Variants in ASGR2 observed in about 807,000 individuals in gnomAD.
The protein encoded by ASGR2 is C-type lectin domain family 4 member H2.
A neutral mutation model predicts 32.3 loss-of-function variants in ASGR2; 34 were observed. That is an observed-to-expected ratio of 1.05 (90% CI 0.80 to 1.40). The LOEUF (loss-of-function observed/expected upper bound fraction) is 1.40, where lower values mean the gene tolerates loss of function less well. Ranked by LOEUF, ASGR2 falls within the 40% of genes most tolerant of loss-of-function variation. ASGR2 has a pLI of 0.00. For synonymous variants in ASGR2, 143 were observed against 150.0 expected (o/e 0.95, Z 0.34); for missense variants, 385 against 386.4 (o/e 1.00, Z 0.03).
In ASGR2 at chr17:7,108,368, C is replaced by T. The variant is rs914294337; in HGVS notation, c.337+94G>A. ...CCTGGACGCCTTGCCCAGCCTGCAC[C>T]CCCACGGCACCCCACACAGCCCTGT... is the stretch of plus-strand genomic sequence containing the variant. On this transcript the variant is annotated intron_variant, in intron 4 of 8. Transcript: ENST00000691900. The surrounding 1 kb of genome is among the most constrained non-coding windows in gnomAD (Gnocchi z 4.9). The T allele has an allele frequency of 8.9e-6, 12 of 1,351,802 alleles. No individual in the cohort carries two copies. In the African/African-American group the frequency reaches 1.6e-4, roughly 18 times the overall value. The allele number at this position is 1,351,802 out of a possible 1,614,324, so 83.7% of individuals were successfully genotyped here.
Position 7,101,664 on chromosome 17 carries a change from G to C in ASGR2, c.832C>G (p.Pro278Ala), listed in dbSNP as rs1267930605. 1 of 1,614,204 alleles carries C rather than the reference G, an allele frequency of 6.2e-7. No individual in the cohort carries two copies. The highest frequency in any genetic ancestry group is 8.5e-7 in the Non-Finnish European group (1 of 1,180,040). The change falls in exon 9 of 9, where the codon CCG (proline) becomes GCG (alanine). Residue 278 changes from proline to alanine, a missense_variant. By Grantham distance (27) the Pro-to-Ala change is conservative (BLOSUM62 -1). Transcript: ENST00000691900. ...AAGTCATCGTTCCAGCGGCCATCCG[G>C]CTGGACTTCAACACAGTCTTCACTT... is the stretch of plus-strand genomic sequence containing the variant. Reference protein sequence around the residue: ...GGSEDCVEVQPDGRWNDDFCL... With the variant: ...GGSEDCVEVQADGRWNDDFCL...
Position 7,107,720 on chromosome 17 carries a change from C to T in ASGR2, c.409+116G>A. The T allele has an allele frequency of 8.2e-7, 1 of 1,220,176 alleles. No homozygotes were observed. 75.6% of individuals were successfully genotyped at this position (1,220,176 alleles called of 1,614,324 possible). On this transcript the variant is annotated intron_variant, in intron 5 of 8. Coordinates refer to ENST00000691900, the MANE Select transcript of ASGR2 (RefSeq NM_001201352.2). The surrounding 1 kb of genome is among the most constrained non-coding windows in gnomAD (Gnocchi z 5.0). ...AGACACAGATACACATGCTTGCAGG[C>T]ACACACACGCACGCACGCACACGTG... is the stretch of plus-strand genomic sequence containing the variant.
intron 7 of ASGR2, among the ~76,000 whole-genome samples, chr17:7,106,634 T>A (rs1913721260): frequency 6.6e-6 from 1 of 152,188 alleles, no homozygotes; most frequent in South Asian, 2.1e-4. Flanking sequence ...CCAGACGCGG[T>A]GGTTCACGCC....
intron 2 of ASGR2, among the ~76,000 whole-genome samples, chr17:7,109,859 T>C (rs1567768687): frequency 6.6e-6 from 1 of 151,720 alleles, no homozygotes; most frequent in Non-Finnish European, 1.5e-5. Context: ...ACACGTACAC[T>C]CACACACCCA....
rs61731747 is a variant in ASGR2 at position 7,107,084 on chromosome 17, G to A, written c.564C>T (p.His188=). The A allele has an allele frequency of 4.7e-3, 7,548 of 1,614,132 alleles. 187 individuals carry two copies. In the African/African-American group the frequency reaches 0.063, roughly 14 times the overall value. The part of the protein sequence containing the change: ...EHQGSCYWFS[H]SGKAWAEAEK... ...CCGCCTCAGCCCAGGCCTTCCCGGA[G>A]TGAGAGAACCAGTAGCAGCTGCCTT... is the stretch of plus-strand genomic sequence containing the variant. Residue 188 remains histidine, a synonymous_variant, in exon 7 of 9, where the codon CAC becomes CAT. Transcript: ENST00000691900. The surrounding 1 kb of genome is among the most constrained non-coding windows in gnomAD (Gnocchi z 5.0).
intron 2 of ASGR2, among the ~76,000 whole-genome samples, chr17:7,112,042 GA>G (rs1266639514): frequency 2.3e-5 from 1 of 42,794 alleles, no homozygotes; most frequent in Non-Finnish European, 5.2e-5. Context: ...ATGAGAGAGA[GA>G]GAGGGGAGGG....
chr17:7,107,947 C>T lies in ASGR2; in HGVS notation c.338-40G>A. 1 of 1,611,324 alleles carries T rather than the reference C, an allele frequency of 6.2e-7. No homozygotes were observed. Among genetic ancestry groups the T allele is most frequent in the Non-Finnish European group, 8.5e-7 (1 of 1,178,668 alleles). On this transcript the variant is annotated intron_variant, in intron 4 of 8. Coordinates refer to ENST00000691900, the MANE Select transcript of ASGR2 (RefSeq NM_001201352.2). The surrounding 1 kb of genome is among the most constrained non-coding windows in gnomAD (Gnocchi z 5.0). ...CCAGCTGTTTCCCCGCTGAGCCTCC[C>T]TCCGTCCTCATGCTGCTGGGGGACC...
chr17:7,106,771 G>T (rs936832156), intron 7 of ASGR2, among the ~76,000 whole-genome samples: 1 of 152,116 alleles, frequency 6.6e-6, no homozygotes, highest in African/African-American at 2.4e-5. Flanking sequence ...GGGCATGGTG[G>T]CACGTGCCTG....
intron 7 of ASGR2, among the ~76,000 whole-genome samples, chr17:7,104,459 C>G (rs893132764): frequency 6.6e-6 from 1 of 151,326 alleles, no homozygotes; most frequent in Admixed American, 6.6e-5. Context: ...CAAGACCAGC[C>G]TGGCCAACAT....
Position 7,101,662 on chromosome 17 carries a change from C to A in ASGR2, c.834G>T (p.Pro278=), listed in dbSNP as rs1005548508. 2 of 1,614,216 alleles carry A rather than the reference C, an allele frequency of 1.2e-6. No homozygotes were observed. The highest frequency in any genetic ancestry group is 4.5e-5 in the East Asian group (2 of 44,880). The change falls in exon 9 of 9, where the codon CCG becomes CCT. Residue 278 remains proline (P), a synonymous_variant. Transcript: ENST00000691900. ...AGAAGTCATCGTTCCAGCGGCCATCCGGCTGGACTTCAACACAGTCTTCAC... is the reference window on the plus strand; with the variant it reads ...AGAAGTCATCGTTCCAGCGGCCATCAGGCTGGACTTCAACACAGTCTTCAC... ...GGSEDCVEVQ[P]DGRWNDDFCL...
rs1555588065 is a variant in ASGR2 at position 7,114,217 on chromosome 17, G to A, written c.24C>T (p.Ile8=). 1.2e-6 allele frequency: 2 copies of A among 1,614,154 alleles called. No homozygotes were observed. The highest frequency in any genetic ancestry group is 8.5e-7 in the Non-Finnish European group (1 of 1,180,038). Reference sequence around the variant, plus strand: ...CATTTTCCTCCGAGCTCAGCTGCTGGATATCTTGAAAGTCCTTGGCCATGA... The same window carrying A: ...CATTTTCCTCCGAGCTCAGCTGCTGAATATCTTGAAAGTCCTTGGCCATGA... MAKDFQD[I]QQLSSEENDH... is the part of the protein sequence containing the mutation. Residue 8 remains isoleucine (I), a synonymous_variant, in exon 2 of 9, where the codon ATC becomes ATT. Coordinates refer to ENST00000691900, the MANE Select transcript of ASGR2 (RefSeq NM_001201352.2). This position sits in a 1 kb window ranked among gnomAD's most constrained non-coding sequence, Gnocchi z 4.5.
At chr17:7,103,796 T>G (rs1913191624) in intron 7 of ASGR2, among the ~76,000 whole-genome samples, 1 of 152,146 alleles carries the variant, frequency 6.6e-6, no homozygotes, top group Admixed American at 6.5e-5. Flanking sequence ...TTATTATTAT[T>G]ATACTTTAAG....
At chr17:7,106,190 CAG>C (rs1470593945) in intron 7 of ASGR2, among the ~76,000 whole-genome samples, 2 of 151,988 alleles carry the variant, frequency 1.3e-5, no homozygotes, top group South Asian at 2.1e-4. Context: ...TAATTTAAAA[CAG>C]AGATTCAAAA....
At chr17:7,109,471 T>C (rs1914344082) in intron 2 of ASGR2, among the ~76,000 whole-genome samples, 1 of 151,936 alleles carries the variant, frequency 6.6e-6, no homozygotes. Context: ...CATAGCCCAC[T>C]CTCCAAGCAC....
At chr17:7,103,857 T>C (rs1412812490) in intron 7 of ASGR2, among the ~76,000 whole-genome samples, 20 of 152,182 alleles carry the variant, frequency 1.3e-4, no homozygotes, top group Admixed American at 1.2e-3. Flanking sequence ...TGTATACATG[T>C]GCCATGTTGG....
chr17:7,107,983 G>T lies in ASGR2; in HGVS notation c.338-76C>A. The T allele has an allele frequency of 6.4e-7, 1 of 1,551,426 alleles. No homozygotes were observed. The highest frequency in any genetic ancestry group is 2.3e-5 in the East Asian group (1 of 43,512). On this transcript the variant is annotated intron_variant, in intron 4 of 8. Coordinates refer to ENST00000691900, the MANE Select transcript of ASGR2 (RefSeq NM_001201352.2). This position sits in a 1 kb window ranked among gnomAD's most constrained non-coding sequence, Gnocchi z 5.0. ...TGCTGCTGGGGGACCGGGGGCCAGC[G>T]CCTCGTCCTGGGCGATGCAGGCGTC...
Position 7,107,638 on chromosome 17 carries a change from C to T in ASGR2, c.409+198G>A. 1 of 731,468 alleles carries T rather than the reference C, an allele frequency of 1.4e-6. No homozygotes were observed. Among genetic ancestry groups the T allele is most frequent in the African/African-American group, 1.7e-5 (1 of 57,676 alleles). 45.3% of individuals were successfully genotyped at this position (731,468 alleles called of 1,614,324 possible). On this transcript the variant is annotated intron_variant, in intron 5 of 8. Coordinates refer to ENST00000691900, the MANE Select transcript of ASGR2 (RefSeq NM_001201352.2). The surrounding 1 kb of genome is among the most constrained non-coding windows in gnomAD (Gnocchi z 5.0). ...CATACACACACAACACACACATATACACCACACTACACACCACACACAGAT... is the reference window on the plus strand; with the variant it reads ...CATACACACACAACACACACATATATACCACACTACACACCACACACAGAT...
chr17:7,106,028 C>A lies in ASGR2; in HGVS notation c.648+972G>T, dbSNP rs559412357. 3.9e-5 allele frequency among the ~76,000 whole-genome samples: 6 copies of A among 152,222 alleles called. No individual in the cohort carries two copies. The East Asian group carries it at 1.2e-3, about 29-fold the overall frequency. On this transcript the variant is annotated intron_variant, in intron 7 of 8. Transcript: ENST00000691900. ...GGTCTCGAACTCCTGACTTCATGAT[C>A]CGCCCACCTCGGCCTCCCAAAGTGC...
At position 7,101,720 on chromosome 17, in the gene ASGR2, G is replaced by A; in HGVS notation, c.776C>T (p.Pro259Leu). 6.2e-7 allele frequency: 1 copy of A among 1,614,070 alleles called. No homozygotes were observed. The highest frequency in any genetic ancestry group is 2.2e-5 in the East Asian group (1 of 44,884). ...HNYKNWAVTQ[P>L]DNWHGHELGG... Reference sequence around the variant, plus strand: ...CAGCTCGTGCCCGTGCCAATTATCTGGCTGAGTGACAGCCCAGTTCCTAAG... The same window carrying A: ...CAGCTCGTGCCCGTGCCAATTATCTAGCTGAGTGACAGCCCAGTTCCTAAG... Residue 259 changes from proline (P) to leucine (L), a missense_variant, in exon 9 of 9, where the codon CCA becomes CTA. Coordinates refer to ENST00000691900, the MANE Select transcript of ASGR2 (RefSeq NM_001201352.2).
Sources: gnomAD v4.1 joint callset for allele counts (sites outside exome capture counted in the v4.1 genomes callset) on GRCh38, gnomAD v4.1.1 for gene constraint, Gnocchi (gnomAD v3.1) non-coding constraint, MANE v1.5 for transcripts, NCBI Gene and HGNC (gene_info 2026-07-23, HGNC 2026-07-21) for gene names.